TRIM28: variants seen among roughly 807,000 people sequenced by gnomAD.
The protein encoded by TRIM28 is transcription intermediary factor 1-beta.
Under a neutral mutation model 87.4 loss-of-function variants are expected in TRIM28, and 8 were observed. That is an observed-to-expected ratio of 0.09 (90% CI 0.05 to 0.17). The LOEUF is 0.17. Ranked by LOEUF, TRIM28 falls within the 10% of genes least tolerant of loss-of-function variation. TRIM28 has a pLI of 1.00. For synonymous variants in TRIM28, 601 were observed against 454.3 expected (o/e 1.32, Z -4.11); for missense variants, 968 against 1,131.8 (o/e 0.86, Z 2.08).
chr19:58,544,792 C>A lies in TRIM28; in HGVS notation c.35C>A (p.Ala12Glu). ...AASAAAASAAAASAASGSPGP... is the reference protein window; with the variant it reads ...AASAAAASAAEASAASGSPGP... ...TCCGCGGCGGCAGCCTCGGCAGCAG[C>A]GGCCTCGGCCGCCTCTGGCAGCCCG... is the stretch of plus-strand genomic sequence containing the variant. Residue 12 changes from alanine to glutamate, a missense_variant, in exon 1 of 17, where the codon GCG (alanine) becomes GAG (glutamate). Transcript: ENST00000253024. 8.4e-7 allele frequency: 1 copy of A among 1,191,912 alleles called. No individual in the cohort carries two copies. Among genetic ancestry groups the A allele is most frequent in the Non-Finnish European group, 1.0e-6 (1 of 962,992 alleles). The allele number at this position is 1,191,912 out of a possible 1,614,324, so 73.8% of individuals were successfully genotyped here. A position where few individuals can be genotyped will look rare whatever the true frequency, so the allele number is the denominator to read the frequency against.
rs375606682 is a variant in TRIM28, at chr19:58,550,157, G to C, written c.2204G>C (p.Gly735Ala). 7 of 1,613,918 alleles carry C rather than the reference G, an allele frequency of 4.3e-6. No homozygotes were observed. In the Admixed American group the frequency reaches 1.2e-4, roughly 27 times the overall value. ...TDSTFSLDQP[G>A]GTLDLTLIRA... ...GATCTCTGCCTGCAGGACCAGCCCG[G>C]TGGCACCCTGGATCTGACCCTGATC... is the stretch of plus-strand genomic sequence containing the variant. The change falls in exon 16 of 17, where the codon GGT becomes GCT. Residue 735 changes from glycine to alanine, a missense_variant. This residue lies in a region of TRIM28 where 192 missense variants were observed against 225.6 expected (regional missense o/e 0.85). Transcript: ENST00000253024.
In TRIM28 at chr19:58,549,156, T is replaced by A. The variant is rs1568662184; in HGVS notation, c.1578T>A (p.Ala526=). 1 of 1,614,076 alleles carries A rather than the reference T, an allele frequency of 6.2e-7. No individual in the cohort carries two copies. Among genetic ancestry groups the A allele is most frequent in the Non-Finnish European group, 8.5e-7 (1 of 1,179,998 alleles). Residue 526 remains alanine, a synonymous_variant, in exon 12 of 17, where the codon GCT becomes GCA. Transcript: ENST00000253024. This position sits in a 1 kb window ranked among gnomAD's most constrained non-coding sequence, Gnocchi z 4.4. ...ACCTTATTGTTATTGAACGTGGCGC[T>A]GCCGCTGCAGCTACCGGCCAGCCAG... ...DYNLIVIERG[A]AAAATGQPGT...
In TRIM28 at chr19:58,550,156, G is replaced by A. The variant is rs150158812; in HGVS notation, c.2203G>A (p.Gly735Ser). 137 of 1,613,766 alleles carry A rather than the reference G, an allele frequency of 8.5e-5. No homozygotes were observed. Among genetic ancestry groups the A allele is most frequent in the Non-Finnish European group, 1.1e-4 (132 of 1,179,966 alleles). ...TGATCTCTGCCTGCAGGACCAGCCC[G>A]GTGGCACCCTGGATCTGACCCTGAT... ...TDSTFSLDQP[G>S]GTLDLTLIRA... The change falls in exon 16 of 17, where the codon GGT (glycine) becomes AGT (serine). Residue 735 changes from glycine (G) to serine (S), a missense_variant. Gly to Ser is a moderately conservative substitution (Grantham distance 56). Coordinates refer to ENST00000253024, the MANE Select transcript of TRIM28 (RefSeq NM_005762.3).
chr19:58,545,669 G>A, intron 2 of TRIM28, 95 bp from the exon 3 acceptor site: 2 of 1,553,272 alleles, frequency 1.3e-6, no homozygotes, highest in Non-Finnish European at 1.8e-6. Context: ...GTTGGGTCAA[G>A]GGACCAATCT....
At position 58,548,970 on chromosome 19, in the gene TRIM28, A is replaced by T. The variant is rs200758980; in HGVS notation, c.1410-18A>T. The T allele has an allele frequency of 6.2e-7, 1 of 1,614,026 alleles. No homozygotes were observed. Among genetic ancestry groups the T allele is most frequent in the East Asian group, 2.2e-5 (1 of 44,880 alleles). The stretch of plus-strand genomic sequence containing the variant: ...TGGAGGGTGGGGGTGTACTCATGCC[A>T]GGTTGCTGCATCTACAGGTCCCGCT... On this transcript the variant is annotated intron_variant, in intron 11 of 16. Coordinates refer to ENST00000253024, the MANE Select transcript of TRIM28 (RefSeq NM_005762.3).
rs367577588 is a variant in TRIM28, at chr19:58,547,444, C to T, written c.655C>T (p.Leu219=). ...CGTACACAAGCATGAACCCCTTGTGCTGTTTTGTGAGAGCTGTGATACTCT... is the reference window on the plus strand; with the variant it reads ...CGTACACAAGCATGAACCCCTTGTGTTGTTTTGTGAGAGCTGTGATACTCT... ...CNVHKHEPLV[L]FCESCDTLTC... The change falls in exon 4 of 17, where the codon CTG becomes TTG. Residue 219 remains leucine (L), a synonymous_variant. Coordinates refer to ENST00000253024, the MANE Select transcript of TRIM28 (RefSeq NM_005762.3). 6.2e-6 allele frequency: 10 copies of T among 1,613,922 alleles called. No homozygotes were observed. In the African/African-American group the frequency reaches 1.3e-4, roughly 22 times the overall value.
Position 58,550,620 on chromosome 19 carries a change from C to G in TRIM28, c.*67C>G. On this transcript the variant is annotated 3_prime_UTR_variant, in exon 17 of 17. Coordinates refer to ENST00000253024, the MANE Select transcript of TRIM28 (RefSeq NM_005762.3). ...TGTCCTGTCACCCCATCCCCACTCC[C>G]CTGGTGGCCTGACTCCCACTCCCTG... The G allele has an allele frequency of 1.3e-6, 2 of 1,500,370 alleles. No individual in the cohort carries two copies. The highest frequency in any genetic ancestry group is 1.8e-6 in the Non-Finnish European group (2 of 1,115,094). The allele number at this position is 1,500,370 out of a possible 1,614,324, so 92.9% of individuals were successfully genotyped here.
chr19:58,549,473 G>C lies in TRIM28; in HGVS notation c.1805G>C (p.Gly602Ala). 2 of 1,613,568 alleles carry C rather than the reference G, an allele frequency of 1.2e-6. No individual in the cohort carries two copies. Among genetic ancestry groups the C allele is most frequent in the East Asian group, 4.5e-5 (2 of 44,882 alleles). The change falls in exon 13 of 17, where the codon GGG becomes GCG. Residue 602 changes from glycine to alanine, a missense_variant. By Grantham distance (60) the Gly-to-Ala change is moderately conservative. Coordinates refer to ENST00000253024, the MANE Select transcript of TRIM28 (RefSeq NM_005762.3). This position sits in a 1 kb window ranked among gnomAD's most constrained non-coding sequence, Gnocchi z 4.4. Reference sequence around the variant, plus strand: ...TCACCTAGTGGCAGCACCAGCTCAGGGCTGGAGGTGGTGGCTCCTGAGGGT... The same window carrying C: ...TCACCTAGTGGCAGCACCAGCTCAGCGCTGGAGGTGGTGGCTCCTGAGGGT... ...LASPSGSTSSGLEVVAPEGTS... is the reference protein window; with the variant it reads ...LASPSGSTSSALEVVAPEGTS...
In TRIM28 at chr19:58,547,693, C is replaced by T. The variant is rs763655891; in HGVS notation, c.819C>T (p.Ser273=). 6 of 1,614,068 alleles carry T rather than the reference C, an allele frequency of 3.7e-6. No homozygotes were observed. The highest frequency in any genetic ancestry group is 1.1e-5 in the South Asian group (1 of 91,092). Residue 273 remains serine (S), a synonymous_variant, in exon 5 of 17, where the codon AGC becomes AGT. Transcript: ENST00000253024. ...ACAAACATGCAACATTGCAGAAGAG[C>T]ACCAAGGAGGTTCGCAGCTCGTAAG... is the stretch of plus-strand genomic sequence containing the variant. ...LGDKHATLQK[S]TKEVRSSIRQ...
Position 58,550,685 on chromosome 19 carries a change from T to C in TRIM28, c.*132T>C. 1 of 943,158 alleles carries C rather than the reference T, an allele frequency of 1.1e-6. No individual in the cohort carries two copies. The highest frequency in any genetic ancestry group is 1.5e-6 in the Non-Finnish European group (1 of 649,974). The allele number at this position is 943,158 out of a possible 1,614,324, so 58.4% of individuals were successfully genotyped here. On this transcript the variant is annotated 3_prime_UTR_variant, in exon 17 of 17. Transcript: ENST00000253024. Reference sequence around the variant, plus strand: ...CAGTTCCTCACGATATGGTTTTTACTTCTGTGGATTTAATAAAAACTTCAC... The same window carrying C: ...CAGTTCCTCACGATATGGTTTTTACCTCTGTGGATTTAATAAAAACTTCAC...
chr19:58,545,875 G>T lies in TRIM28; in HGVS notation c.565G>T (p.Asp189Tyr). Residue 189 changes from aspartate (D) to tyrosine (Y), a missense_variant, in exon 3 of 17, where the codon GAC becomes TAC. Asp to Tyr is a radical substitution (Grantham distance 160). Coordinates refer to ENST00000253024, the MANE Select transcript of TRIM28 (RefSeq NM_005762.3). ...GCACCAGCGGGTGAAGTACACCAAG[G>T]ACCATACTGTGCGCTCTACTGGTAC... is the stretch of plus-strand genomic sequence containing the variant. ...EAHQRVKYTK[D>Y]HTVRSTGPAK... 6.2e-7 allele frequency: 1 copy of T among 1,601,788 alleles called. No homozygotes were observed. Among genetic ancestry groups the T allele is most frequent in the South Asian group, 1.1e-5 (1 of 90,852 alleles).
At position 58,549,003 on chromosome 19, in the gene TRIM28, G is replaced by C. The variant is rs1409244603; in HGVS notation, c.1425G>C (p.Glu475Asp). 1 of 1,613,982 alleles carries C rather than the reference G, an allele frequency of 6.2e-7. No individual in the cohort carries two copies. The highest frequency in any genetic ancestry group is 2.2e-5 in the East Asian group (1 of 44,898). Residue 475 changes from glutamate (E) to aspartate (D), a missense_variant, in exon 12 of 17, where the codon GAG becomes GAC. Physicochemically the swap from Glu to Asp is conservative, Grantham distance 45. Coordinates refer to ENST00000253024, the MANE Select transcript of TRIM28 (RefSeq NM_005762.3). This position sits in a 1 kb window ranked among gnomAD's most constrained non-coding sequence, Gnocchi z 4.4. ...VSGVKRSRSG[E>D]GEVSGLMRKV... ...GCATCTACAGGTCCCGCTCAGGTGAGGGCGAGGTGAGCGGCCTTATGCGCA... is the reference window on the plus strand; with the variant it reads ...GCATCTACAGGTCCCGCTCAGGTGACGGCGAGGTGAGCGGCCTTATGCGCA...
In TRIM28 at chr19:58,544,648, C is replaced by CGCG. The variant is rs575792912; in HGVS notation, c.-95_-93dup. ...GGAGGCGCGTGGCGGCGCTCGGCCT[C>CGCG]GCGGCGGCGGCGGCGGCAGCGGCCC... On this transcript the variant is annotated 5_prime_UTR_variant, in exon 1 of 17. Coordinates refer to ENST00000253024, the MANE Select transcript of TRIM28 (RefSeq NM_005762.3). 372 of 368,212 alleles carry CGCG rather than the reference C, an allele frequency of 1.0e-3. 1 individual carries two copies. The highest frequency in any genetic ancestry group is 6.8e-3 in the East Asian group (41 of 6,042). 22.8% of individuals were successfully genotyped at this position (368,212 alleles called of 1,614,324 possible).
intron 3 of TRIM28, among the ~76,000 whole-genome samples, chr19:58,546,243 T>C (rs559025994): frequency 2.0e-5 from 3 of 152,278 alleles, no homozygotes; most frequent in Admixed American, 2.0e-4. Context: ...TCTGGGTTTG[T>C]GGTTCCCTGG....
intron 3 of TRIM28, chr19:58,547,025 C>T (rs531897305): frequency 4.7e-5 from 9 of 191,628 alleles, no homozygotes; most frequent in African/African-American, 2.3e-4. Flanking sequence ...AGTATGTCCA[C>T]TTGGAGAAGT....
In TRIM28 at chr19:58,544,867, C is replaced by G. The variant is rs1379350073; in HGVS notation, c.110C>G (p.Ser37Trp). 7.6e-7 allele frequency: 1 copy of G among 1,307,986 alleles called. No homozygotes were observed. Among genetic ancestry groups the G allele is most frequent in the Admixed American group, 4.0e-5 (1 of 24,992 alleles). The allele number at this position is 1,307,986 out of a possible 1,614,324, so 81.0% of individuals were successfully genotyped here. Reference sequence around the variant, plus strand: ...GGCGAAAAGCGCTCCACCGCCCCTTCGGCCGCAGCCTCGGCCTCTGCCTCA... The same window carrying G: ...GGCGAAAAGCGCTCCACCGCCCCTTGGGCCGCAGCCTCGGCCTCTGCCTCA... ...AGGEKRSTAP[S>W]AAASASASAA... The change falls in exon 1 of 17, where the codon TCG becomes TGG. Residue 37 changes from serine (S) to tryptophan (W), a missense_variant. Physicochemically the swap from Ser to Trp is radical, Grantham distance 177. Transcript: ENST00000253024.
At position 58,544,955 on chromosome 19, in the gene TRIM28, C is replaced by A. The variant is rs1282834806; in HGVS notation, c.198C>A (p.Gly66=). ...CGCTGGAGCTGCTGGAGCACTGCGG[C>A]GTGTGCAGAGAGCGCCTGCGACCCG... ...AEALELLEHC[G]VCRERLRPER... The change falls in exon 1 of 17, where the codon GGC becomes GGA. Residue 66 remains glycine, a synonymous_variant. Transcript: ENST00000253024. 4 of 1,501,902 alleles carry A rather than the reference C, an allele frequency of 2.7e-6. No individual in the cohort carries two copies. The highest frequency in any genetic ancestry group is 3.5e-6 in the Non-Finnish European group (4 of 1,135,932). The allele number at this position is 1,501,902 out of a possible 1,614,324, so 93.0% of individuals were successfully genotyped here. A position where few individuals can be genotyped will look rare whatever the true frequency, so the allele number is the denominator to read the frequency against.
In TRIM28 at chr19:58,548,079, A is replaced by G. The variant is rs1600081965; in HGVS notation, c.1000A>G (p.Thr334Ala). 6.2e-7 allele frequency: 1 copy of G among 1,614,168 alleles called. No homozygotes were observed. Among genetic ancestry groups the G allele is most frequent in the Non-Finnish European group, 8.5e-7 (1 of 1,180,024 alleles). Reference protein sequence around the residue: ...QQERLERQHWTMTKIQKHQEH... With the variant: ...QQERLERQHWAMTKIQKHQEH... ...GGAGCGCCTGGAGCGGCAGCACTGGACCATGACCAAGATCCAGAAGCACCA... is the reference window on the plus strand; with the variant it reads ...GGAGCGCCTGGAGCGGCAGCACTGGGCCATGACCAAGATCCAGAAGCACCA... The change falls in exon 7 of 17, where the codon ACC becomes GCC. Residue 334 changes from threonine to alanine, a missense_variant. Coordinates refer to ENST00000253024, the MANE Select transcript of TRIM28 (RefSeq NM_005762.3).
chr19:58,545,346 C>T (rs371355126), intron 1 of TRIM28, 79 bp from the exon 2 acceptor site: 5 of 1,197,308 alleles, frequency 4.2e-6, no homozygotes, highest in African/African-American at 3.0e-5. Context: ...TGGTCGGGGG[C>T]CCACCCAGCA....
Sources: gnomAD v4.1 joint callset for allele counts (sites outside exome capture counted in the v4.1 genomes callset) on GRCh38, gnomAD v4.1.1 for gene constraint, gnomAD v4.1.1 regional missense constraint, Gnocchi (gnomAD v3.1) non-coding constraint, MANE v1.5 for transcripts, NCBI Gene and HGNC (gene_info 2026-07-23, HGNC 2026-07-21) for gene names.